The following KLF8 variants were observed in gnomAD, a reference collection of about 807,000 sequenced individuals.
The protein encoded by KLF8 is KLF transcription factor 8.
KLF8 carries 10 observed loss-of-function variants against 18.2 expected under a neutral mutation model. That is an observed-to-expected ratio of 0.55 (90% CI 0.34 to 0.93). The LOEUF (loss-of-function observed/expected upper bound fraction) is 0.93, where lower values mean the gene tolerates loss of function less well. KLF8 is among the 40% of genes least tolerant of loss of function. The pLI, the probability that KLF8 is intolerant of heterozygous loss-of-function variation, is 0.02. For synonymous variants in KLF8, 109 were observed against 97.3 expected (o/e 1.12, Z -0.71); for missense variants, 264 against 277.9 (o/e 0.95, Z 0.36).
chrX:56,036,737 G>A, the KLF8 span, among the ~76,000 whole-genome samples: 1 of 111,445 alleles, frequency 9.0e-6, no homozygotes, highest in Non-Finnish European at 1.9e-5. Context: ...TGTCAAGATA[G>A]GAGTTGCATT....
the KLF8 span, among the ~76,000 whole-genome samples, chrX:56,091,087 TG>T: frequency 9.0e-6 from 1 of 111,608 alleles, no homozygotes; most frequent in South Asian, 3.8e-4. Flanking sequence ...GATATGGTTT[TG>T]CTCTGTGTCC....
the KLF8 span, among the ~76,000 whole-genome samples, chrX:55,998,684 T>C: frequency 9.0e-6 from 1 of 111,656 alleles, no homozygotes; most frequent in African/African-American, 3.3e-5. Context: ...TCTACTTCTT[T>C]CTACACAGAC....
At chrX:55,996,160 T>C in the KLF8 span, among the ~76,000 whole-genome samples, 1 of 112,115 alleles carries the variant, frequency 8.9e-6, no homozygotes, top group Non-Finnish European at 1.9e-5. Flanking sequence ...ATTCTGCTGG[T>C]ATTACTTCTG....
the KLF8 span, among the ~76,000 whole-genome samples, chrX:56,170,930 C>G: frequency 9.0e-6 from 1 of 111,686 alleles, no homozygotes; most frequent in Non-Finnish European, 1.9e-5. Context: ...ATCCTAAAAG[C>G]AGTAGGAGAA....
chrX:56,276,436 G>A lies in KLF8; in HGVS notation c.898+6115G>A, dbSNP rs773168310. ...TTAGCATTTCTTGTAGGATGAGCAT[G>A]GTATTGATGAAATCCCTCAGCTTTT... On this transcript the variant is annotated intron_variant, in intron 5 of 5. Transcript: ENST00000468660. Among the ~76,000 whole-genome samples, 3 of 111,337 alleles carry A rather than the reference G, an allele frequency of 2.7e-5. No homozygotes were observed. The East Asian group carries it at 8.5e-4, about 32-fold the overall frequency.
the KLF8 span, among the ~76,000 whole-genome samples, chrX:55,921,789 A>G: frequency 8.9e-6 from 1 of 112,261 alleles, no homozygotes; most frequent in Non-Finnish European, 1.9e-5. Context: ...AAACCCCATT[A>G]TAAAGTGGGT....
chrX:55,961,509 G>C, the KLF8 span: 1 of 548,533 alleles, frequency 1.8e-6, no homozygotes, highest in Non-Finnish European at 3.4e-6. Flanking sequence ...TTGGGGGTCT[G>C]GCTGAATTTT....
At chrX:55,959,412 C>G in the KLF8 span, among the ~76,000 whole-genome samples, 11 of 111,825 alleles carry the variant, frequency 9.8e-5, no homozygotes, top group Non-Finnish European at 7.5e-5. Context: ...TGGTTCTTAA[C>G]CAGACTGAAA....
intron 1 of KLF8, among the ~76,000 whole-genome samples, chrX:56,242,340 G>C (rs1181780445): frequency 8.9e-6 from 1 of 112,061 alleles, no homozygotes. Context: ...TCATACATAA[G>C]TTTGTTACTG....
chrX:56,155,413 C>G, the KLF8 span, among the ~76,000 whole-genome samples: 110 of 110,718 alleles, frequency 9.9e-4, no homozygotes, highest in African/African-American at 3.5e-3. Context: ...AATGAGAACA[C>G]TTGGACACAG....
intron 2 of KLF8, among the ~76,000 whole-genome samples, chrX:56,261,749 G>A (rs1057352701): frequency 1.8e-5 from 2 of 111,083 alleles, no homozygotes; most frequent in Non-Finnish European, 3.8e-5. Flanking sequence ...AAGTTAGACT[G>A]TATAACAATA....
the KLF8 span, among the ~76,000 whole-genome samples, chrX:55,910,581 C>T: frequency 2.7e-5 from 3 of 111,222 alleles, no homozygotes; most frequent in Admixed American, 9.5e-5. Context: ...AGGAAGAGTG[C>T]GGGATATAAG....
chrX:56,142,179 A>T, the KLF8 span, among the ~76,000 whole-genome samples: 2 of 111,669 alleles, frequency 1.8e-5, no homozygotes, highest in African/African-American at 6.5e-5. Flanking sequence ...TGTTATTTTT[A>T]ACTATAGGAT....
At chrX:56,070,345 C>A in the KLF8 span, among the ~76,000 whole-genome samples, 6 of 111,472 alleles carry the variant, frequency 5.4e-5, no homozygotes, top group East Asian at 1.1e-3. Flanking sequence ...TAGCAAACCA[C>A]CATGGCACAT....
intron 2 of KLF8, among the ~76,000 whole-genome samples, chrX:56,253,365 C>A (rs2066740088): frequency 8.9e-6 from 1 of 111,762 alleles, no homozygotes; most frequent in African/African-American, 3.3e-5. Flanking sequence ...ACTCTTTAAT[C>A]CATTTTAATT....
chrX:56,004,546 G>A, the KLF8 span, among the ~76,000 whole-genome samples: 1 of 111,941 alleles, frequency 8.9e-6, no homozygotes, highest in African/African-American at 3.2e-5. Context: ...CTATTAGAGA[G>A]AGCCACTGGA....
the KLF8 span, among the ~76,000 whole-genome samples, chrX:55,990,091 T>C: frequency 3.9e-4 from 44 of 111,985 alleles, no homozygotes; most frequent in African/African-American, 1.4e-3. Flanking sequence ...GATTCTACTC[T>C]CTTTTCTTCT....
chrX:56,215,319 G>A, the KLF8 span, among the ~76,000 whole-genome samples: 36 of 111,704 alleles, frequency 3.2e-4, no homozygotes, highest in African/African-American at 1.1e-3. Context: ...ATTCAGGAGA[G>A]TTTCTTGGAC....
chrX:55,920,548 C>A, the KLF8 span, among the ~76,000 whole-genome samples: 5 of 110,823 alleles, frequency 4.5e-5, no homozygotes, highest in Admixed American at 9.6e-5. Context: ...AAGGAAAATT[C>A]TTCAGTGAAA....
Sources: allele counts gnomAD v4.1 joint callset (sites outside exome capture counted in the v4.1 genomes callset), GRCh38; gene constraint gnomAD v4.1.1; transcripts MANE v1.5; gene names NCBI Gene and HGNC (gene_info 2026-07-23, HGNC 2026-07-21).